KLF8: variants seen among roughly 807,000 people sequenced by gnomAD.
KLF8 encodes the protein KLF transcription factor 8, also known as Krueppel-like factor 8.
In KLF8, 10 loss-of-function variants were observed where a neutral mutation model predicts 18.2. The observed-to-expected ratio is 0.55, with a 90% CI of 0.34 to 0.93. The LOEUF is 0.93. Ranked by LOEUF, KLF8 falls within the 40% of genes least tolerant of loss-of-function variation. The pLI is 0.02. For synonymous variants in KLF8, 109 were observed against 97.3 expected, an observed-to-expected ratio of 1.12 and a Z score of -0.71; for missense variants, 264 against 277.9, an observed-to-expected ratio of 0.95 and a Z score of 0.36.
At chrX:56,247,641 A>G (rs2066641355) in intron 1 of KLF8, among the ~76,000 whole-genome samples, 1 of 110,095 alleles carries the variant, frequency 9.1e-6, no homozygotes, top group African/African-American at 3.3e-5. Context: ...AAACTAAGAC[A>G]CAAAGACACA....
the KLF8 span, among the ~76,000 whole-genome samples, chrX:55,917,086 A>C: frequency 8.9e-6 from 1 of 112,144 alleles, no homozygotes; most frequent in African/African-American, 3.2e-5. Context: ...CTCCCTGCTC[A>C]AGTCTTGCTG....
chrX:56,170,687 G>T, the KLF8 span, among the ~76,000 whole-genome samples: 1 of 110,780 alleles, frequency 9.0e-6, no homozygotes, highest in South Asian at 3.8e-4. Context: ...ACACACACAG[G>T]ATCTAGAAAA....
chrX:55,984,540 T>C, the KLF8 span, among the ~76,000 whole-genome samples: 3 of 111,823 alleles, frequency 2.7e-5, no homozygotes, highest in Non-Finnish European at 5.6e-5. Flanking sequence ...GGCATTTGTG[T>C]TGATTGCATG....
the KLF8 span, among the ~76,000 whole-genome samples, chrX:56,145,537 A>T: frequency 8.9e-6 from 1 of 112,508 alleles, no homozygotes; most frequent in Admixed American, 9.4e-5. Context: ...AATAACCAAA[A>T]AGTAGAACCA....
chrX:56,112,518 TG>T, the KLF8 span, among the ~76,000 whole-genome samples: 4 of 112,331 alleles, frequency 3.6e-5, no homozygotes, highest in Non-Finnish European at 5.6e-5. Context: ...TGGTATTTTT[TG>T]GTTGTTATTT....
chrX:55,922,187 T>A, the KLF8 span, among the ~76,000 whole-genome samples: 2 of 112,777 alleles, frequency 1.8e-5, no homozygotes, highest in African/African-American at 3.2e-5. Context: ...GCAGCACTAT[T>A]CACAATAGCA....
chrX:56,165,363 T>A, the KLF8 span, among the ~76,000 whole-genome samples: 1 of 112,281 alleles, frequency 8.9e-6, no homozygotes, highest in African/African-American at 3.2e-5. Flanking sequence ...AAGTAGTAAT[T>A]TCTTAAAGCT....
At chrX:56,269,519 T>G in intron 4 of KLF8, 30 bp downstream of exon 4, 3 of 1,113,209 alleles carry the variant, frequency 2.7e-6, no homozygotes, top group Admixed American at 2.7e-5. Context: ...AAGTCTGTCT[T>G]TGTGTATGTG....
At chrX:56,242,997 G>A (rs1257555725) in intron 1 of KLF8, 9 of 491,095 alleles carry the variant, frequency 1.8e-5, no homozygotes, top group Admixed American at 9.4e-5. Context: ...CCAGTCGAAC[G>A]TATGCCTTCT....
the KLF8 span, among the ~76,000 whole-genome samples, chrX:55,918,445 T>G: frequency 8.9e-6 from 1 of 112,487 alleles, no homozygotes; most frequent in Non-Finnish European, 1.9e-5. Context: ...CATAAAGATA[T>G]ATCTCCACAC....
the KLF8 span, among the ~76,000 whole-genome samples, chrX:56,058,300 A>ATATATG: frequency 1.3e-5 from 1 of 74,160 alleles, no homozygotes; most frequent in African/African-American, 5.0e-5. Flanking sequence ...ATATATATAT[A>ATATATG]TATATATATA....
chrX:56,242,479 T>C (rs2066559826), intron 1 of KLF8, among the ~76,000 whole-genome samples: 1 of 112,478 alleles, frequency 8.9e-6, no homozygotes, highest in Admixed American at 9.4e-5. Context: ...ACATGTGTTA[T>C]CATGATTGGT....
the KLF8 span, among the ~76,000 whole-genome samples, chrX:55,993,814 T>A: frequency 9.0e-6 from 1 of 111,437 alleles, no homozygotes; most frequent in Non-Finnish European, 1.9e-5. Context: ...CCTGGTCTGT[T>A]CTCTGTTTGG....
the KLF8 span, among the ~76,000 whole-genome samples, chrX:56,076,885 T>C: frequency 8.9e-6 from 1 of 112,433 alleles, no homozygotes; most frequent in Non-Finnish European, 1.9e-5. Flanking sequence ...ATTTCTCTGA[T>C]GGCCAGTGAT....
the KLF8 span, among the ~76,000 whole-genome samples, chrX:56,060,463 A>C: frequency 1.2e-3 from 136 of 111,596 alleles, 1 homozygote; most frequent in Non-Finnish European, 2.2e-3. Context: ...TTGTCCATTG[A>C]TTCTGTTTAT....
At chrX:56,179,989 G>A in the KLF8 span, among the ~76,000 whole-genome samples, 1 of 111,161 alleles carries the variant, frequency 9.0e-6, no homozygotes, top group Non-Finnish European at 1.9e-5. Flanking sequence ...TTGGTATCAG[G>A]ATGATGCTGG....
chrX:56,145,830 G>A, the KLF8 span, among the ~76,000 whole-genome samples: 2 of 110,464 alleles, frequency 1.8e-5, no homozygotes, highest in Middle Eastern at 4.7e-3. Flanking sequence ...CTGACAAAGG[G>A]CTAACATCCA....
At chrX:56,102,429 T>A in the KLF8 span, among the ~76,000 whole-genome samples, 1 of 111,915 alleles carries the variant, frequency 8.9e-6, no homozygotes, top group Non-Finnish European at 1.9e-5. Context: ...GCTTTGGCTA[T>A]TGAGGCTCTA....
chrX:56,144,967 A>T, the KLF8 span, among the ~76,000 whole-genome samples: 49 of 106,992 alleles, frequency 4.6e-4, no homozygotes, highest in Admixed American at 1.1e-3. Context: ...TAATTTTTGT[A>T]TTTTTGGTAG....
Sources: gnomAD v4.1 joint callset for allele counts (sites outside exome capture counted in the v4.1 genomes callset) on GRCh38, gnomAD v4.1.1 for gene constraint, MANE v1.5 for transcripts, NCBI Gene and HGNC (gene_info 2026-07-23, HGNC 2026-07-21) for gene names.